SRRM3: variants seen among roughly 807,000 people sequenced by gnomAD.
SRRM3 encodes serine/arginine repetitive matrix protein 3.
Under a neutral mutation model 66.2 loss-of-function variants are expected in SRRM3, and 27 were observed. The observed-to-expected ratio is 0.41, with a 90% CI of 0.30 to 0.56. The LOEUF is 0.56. Among genes scored for constraint, SRRM3 ranks in the 20% least tolerant of loss-of-function variants. The pLI is 0.32. For synonymous variants in SRRM3, 391 were observed against 414.9 expected, an observed-to-expected ratio of 0.94 and a Z score of 0.70; for missense variants, 918 against 991.9, an observed-to-expected ratio of 0.93 and a Z score of 1.00.
At chr7:76,238,198 A>G (rs888856804) in intron 2 of SRRM3, among the ~76,000 whole-genome samples, 2 of 152,204 alleles carry the variant, frequency 1.3e-5, no homozygotes, top group Non-Finnish European at 2.9e-5. Flanking sequence ...CACCTGGAAA[A>G]TAGGGGCACC....
At chr7:76,214,617 C>G (rs577103260) in intron 1 of SRRM3, among the ~76,000 whole-genome samples, 353 of 152,188 alleles carry the variant, frequency 2.3e-3, no homozygotes, top group Non-Finnish European at 4.1e-3. Context: ...GACCGCTGCT[C>G]AGGGACTGTG....
chr7:76,282,729 A>G lies in SRRM3; in HGVS notation c.1452A>G (p.Glu484=), dbSNP rs1330935625. The stretch of plus-strand genomic sequence containing the variant: ...CGCACGGCCGGCGCGGCGGCCCAGA[A>G]GGGAAGAGCTCGTCGCGCAGCCCCG... ...PGAHGRRGGP[E]GKSSSRSPGP... Residue 484 remains glutamate, a synonymous_variant, in exon 13 of 15, where the codon GAA becomes GAG. Transcript: ENST00000611745. 2.1e-6 allele frequency: 3 copies of G among 1,451,326 alleles called. No individual in the cohort carries two copies. The highest frequency in any genetic ancestry group is 2.7e-6 in the Non-Finnish European group (3 of 1,107,326). 89.9% of individuals were successfully genotyped at this position (1,451,326 alleles called of 1,614,324 possible). A position where few individuals can be genotyped will look rare whatever the true frequency, so the allele number is the denominator to read the frequency against.
At chr7:76,255,148 C>CTTTTTTTTTTTTTTTTTTTTTTTTTTT (rs57880700) in intron 3 of SRRM3, among the ~76,000 whole-genome samples, 41 of 83,168 alleles carry the variant, frequency 4.9e-4, no homozygotes, top group Non-Finnish European at 6.6e-4. Flanking sequence ...TTCTTTCTTT[C>CTTTTTTTTTTTTTTTTTTTTTTTTTTT]TTTTTTTTTT....
At chr7:76,262,515 A>AAAAAT (rs1801902299) in intron 8 of SRRM3, among the ~76,000 whole-genome samples, 1 of 116,458 alleles carries the variant, frequency 8.6e-6, no homozygotes. Context: ...ACTCTGTCTC[A>AAAAAT]GAAAAAAAAA....
chr7:76,225,190 C>T (rs1554603612), intron 1 of SRRM3, among the ~76,000 whole-genome samples: 2 of 152,150 alleles, frequency 1.3e-5, no homozygotes, highest in Non-Finnish European at 2.9e-5. Flanking sequence ...GTAGTGGAGC[C>T]AGAATTTAAG....
chr7:76,278,771 C>T (rs1306307348), intron 11 of SRRM3, among the ~76,000 whole-genome samples: 1 of 152,188 alleles, frequency 6.6e-6, no homozygotes, highest in Non-Finnish European at 1.5e-5. Context: ...GCCTTTCCAC[C>T]AATGAGGTTG....
intron 1 of SRRM3, among the ~76,000 whole-genome samples, chr7:76,213,872 C>G (rs782303105): frequency 6.6e-6 from 1 of 151,956 alleles, no homozygotes; most frequent in Non-Finnish European, 1.5e-5. Flanking sequence ...CAGGCTTAAG[C>G]GATCCTCCTG....
chr7:76,270,597 A>G (rs1802183721), intron 11 of SRRM3, among the ~76,000 whole-genome samples: 1 of 152,064 alleles, frequency 6.6e-6, no homozygotes, highest in African/African-American at 2.4e-5. Flanking sequence ...AGATCACCTG[A>G]GGTCAGGAGT....
At chr7:76,250,318 G>GC (rs1175058182) in intron 3 of SRRM3, among the ~76,000 whole-genome samples, 3 of 151,964 alleles carry the variant, frequency 2.0e-5, no homozygotes, top group Admixed American at 1.3e-4. Flanking sequence ...TGCAACCTCT[G>GC]CCCCCCGGGT....
chr7:76,281,974 C>T (rs1237622209), intron 12 of SRRM3, among the ~76,000 whole-genome samples, 172 bp downstream of exon 12: 1 of 112,082 alleles, frequency 8.9e-6, no homozygotes, highest in East Asian at 3.6e-4. Flanking sequence ...TGAGCTACCC[C>T]CCACGGATCC....
In SRRM3 at chr7:76,286,100, C is replaced by T; in HGVS notation, c.*257C>T. On this transcript the variant is annotated 3_prime_UTR_variant, in exon 15 of 15. Coordinates refer to ENST00000611745, the MANE Select transcript of SRRM3 (RefSeq NM_001110199.3). ...CCCACTGTGCCCGGGGAACAAAGAG[C>T]CGTTACGAACACAGGAATCTCCCCA... 1 of 562,200 alleles carries T rather than the reference C, an allele frequency of 1.8e-6. No homozygotes were observed. Among genetic ancestry groups the T allele is most frequent in the Non-Finnish European group, 3.3e-6 (1 of 307,670 alleles). The allele number at this position is 562,200 out of a possible 1,614,324, so 34.8% of individuals were successfully genotyped here.
rs1247902770 is a variant in SRRM3 at position 76,286,043 on chromosome 7, T to A, written c.*200T>A. 3.2e-6 allele frequency: 2 copies of A among 619,290 alleles called. No individual in the cohort carries two copies. The highest frequency in any genetic ancestry group is 6.2e-5 in the Admixed American group (2 of 32,394). 38.4% of individuals were successfully genotyped at this position (619,290 alleles called of 1,614,324 possible). A position where few individuals can be genotyped will look rare whatever the true frequency, so the allele number is the denominator to read the frequency against. On this transcript the variant is annotated 3_prime_UTR_variant, in exon 15 of 15. Transcript: ENST00000611745. Reference sequence around the variant, plus strand: ...GACAAGGAGAAGCCAGATGTGCTGCTTCTACGGGTGTCCTCTCCCACCTCC... The same window carrying A: ...GACAAGGAGAAGCCAGATGTGCTGCATCTACGGGTGTCCTCTCCCACCTCC...
intron 1 of SRRM3, among the ~76,000 whole-genome samples, chr7:76,228,115 C>A (rs1481922180): frequency 6.6e-6 from 1 of 152,116 alleles, no homozygotes; most frequent in Non-Finnish European, 1.5e-5. Context: ...AGTGATCCAC[C>A]CGCCTCTGCC....
chr7:76,265,570 A>G (rs1554609422), intron 10 of SRRM3, 102 bp downstream of exon 10: 3 of 898,578 alleles, frequency 3.3e-6, no homozygotes, highest in Middle Eastern at 2.3e-4. Flanking sequence ...CAGAATGTCA[A>G]TTCATCGGTG....
At chr7:76,202,255 T>C (rs1800164573) in intron 1 of SRRM3, among the ~76,000 whole-genome samples, 188 bp downstream of exon 1, 1 of 137,928 alleles carries the variant, frequency 7.3e-6, no homozygotes, top group Non-Finnish European at 1.6e-5. Flanking sequence ...TTCATTTCAC[T>C]GAGAGGGATG....
chr7:76,207,130 TA>T (rs35501351), intron 1 of SRRM3, among the ~76,000 whole-genome samples: 35,023 of 150,982 alleles, frequency 0.23, 4,653 homozygotes, highest in East Asian at 0.45. Context: ...CTCGGCTCAC[TA>T]AAAAAAAATA....
intron 11 of SRRM3, among the ~76,000 whole-genome samples, chr7:76,280,303 T>A (rs1802459719): frequency 6.6e-6 from 1 of 152,078 alleles, no homozygotes; most frequent in Non-Finnish European, 1.5e-5. Context: ...TGGATTTTGT[T>A]TTTTTATTTC....
At position 76,282,708 on chromosome 7, in the gene SRRM3, C is replaced by G. The variant is rs534191309; in HGVS notation, c.1431C>G (p.His477Gln). ...GCACCTCTCCGTCCCCGGGCGCGCA[C>G]GGCCGGCGCGGCGGCCCAGAAGGGA... is the stretch of plus-strand genomic sequence containing the variant. ...PASTSPSPGA[H>Q]GRRGGPEGKS... The change falls in exon 13 of 15, where the codon CAC (histidine) becomes CAG (glutamine). Residue 477 changes from histidine (H) to glutamine (Q), a missense_variant. By Grantham distance (24) the His-to-Gln change is conservative. Transcript: ENST00000611745. 4.9e-6 allele frequency: 7 copies of G among 1,422,438 alleles called. No homozygotes were observed. Among genetic ancestry groups the G allele is most frequent in the Admixed American group, 3.0e-5 (1 of 33,430 alleles). The allele number at this position is 1,422,438 out of a possible 1,614,324, so 88.1% of individuals were successfully genotyped here.
chr7:76,230,953 G>A (rs1016432014), intron 1 of SRRM3, among the ~76,000 whole-genome samples: 1 of 152,006 alleles, frequency 6.6e-6, no homozygotes, highest in African/African-American at 2.4e-5. Flanking sequence ...GTTTCACCAT[G>A]TTGCCCAGGC....
Sources: gnomAD v4.1 joint callset for allele counts (sites outside exome capture counted in the v4.1 genomes callset) on GRCh38, gnomAD v4.1.1 for gene constraint, MANE v1.5 for transcripts, NCBI Gene and HGNC (gene_info 2026-07-23, HGNC 2026-07-21) for gene names.